The following ACTR3C variants were observed in gnomAD, a reference collection of about 807,000 sequenced individuals.
The protein encoded by ACTR3C is actin-related protein 3C.
Under a neutral mutation model 26.3 loss-of-function variants are expected in ACTR3C, and 18 were observed. The observed-to-expected ratio is 0.68, with a 90% CI of 0.47 to 1.01. ACTR3C has a LOEUF of 1.01. Among genes scored for constraint, ACTR3C ranks in the 50% least tolerant of loss-of-function variants. The probability of loss-of-function intolerance (pLI) is 0.00; values close to 1 mark genes in which losing one functional copy is unlikely to be tolerated. For missense variants in ACTR3C, 184 were observed against 250.7 expected (o/e 0.73, Z 1.80); for synonymous variants, 55 against 94.5 (o/e 0.58, Z 2.42).
At chr7:149,978,852 G>A in the ACTR3C span, among the ~76,000 whole-genome samples, 5 of 152,062 alleles carry the variant, frequency 3.3e-5, no homozygotes, top group Non-Finnish European at 7.3e-5. Context: ...CCAGATTGTT[G>A]TTCTTCTCAA....
rs1434454190 is a variant in ACTR3C at position 150,274,103 on chromosome 7, A to T, written c.564+10650T>A. On this transcript the variant is annotated intron_variant, in intron 6 of 7. Coordinates refer to ENST00000683684, the MANE Select transcript of ACTR3C (RefSeq NM_001164458.2). This position sits in a 1 kb window ranked among gnomAD's most constrained non-coding sequence, Gnocchi z 4.1. ...TAACTAAAATATATAGCAAATTAGG[A>T]GATGAATGTTATGGAGAAAAAAATA... Among the ~76,000 whole-genome samples, 2 of 151,780 alleles carry T rather than the reference A, an allele frequency of 1.3e-5. No homozygotes were observed. Among genetic ancestry groups the T allele is most frequent in the African/African-American group, 4.9e-5 (2 of 41,020 alleles).
the ACTR3C span, chr7:150,002,548 T>C: frequency 2.6e-5 from 4 of 152,190 alleles, no homozygotes; most frequent in Non-Finnish European, 4.4e-5. Flanking sequence ...TCAATCAATG[T>C]TTATGAATTT....
chr7:150,019,749 G>A, the ACTR3C span, among the ~76,000 whole-genome samples: 2 of 151,810 alleles, frequency 1.3e-5, no homozygotes, highest in African/African-American at 4.9e-5. Context: ...TGGCATTTGG[G>A]GTAGAGGCCA....
the ACTR3C span, among the ~76,000 whole-genome samples, chr7:150,007,649 G>C: frequency 6.6e-6 from 1 of 152,020 alleles, no homozygotes; most frequent in African/African-American, 2.4e-5. Context: ...TGGTGCCTGC[G>C]TGAGGACTGC....
the ACTR3C span, among the ~76,000 whole-genome samples, chr7:149,896,267 GCTA>G: frequency 6.6e-6 from 1 of 152,160 alleles, no homozygotes; most frequent in Non-Finnish European, 1.5e-5. Context: ...TTTCTGCACA[GCTA>G]CTACATGAAT....
chr7:150,107,828 T>C, the ACTR3C span, among the ~76,000 whole-genome samples: 1 of 151,720 alleles, frequency 6.6e-6, no homozygotes. Flanking sequence ...GATGAGAATT[T>C]CAGGGACAGA....
chr7:150,232,055 G>A, the ACTR3C span, among the ~76,000 whole-genome samples: 1 of 152,038 alleles, frequency 6.6e-6, no homozygotes, highest in Non-Finnish European at 1.5e-5. Flanking sequence ...TTGCTCTGTT[G>A]TTAGGTGAAT....
At chr7:150,218,946 CAT>C in the ACTR3C span, among the ~76,000 whole-genome samples, 3 of 151,088 alleles carry the variant, frequency 2.0e-5, no homozygotes, top group East Asian at 3.9e-4. Flanking sequence ...AAATGTGAAA[CAT>C]ATAACTACTC....
the ACTR3C span, among the ~76,000 whole-genome samples, chr7:150,187,340 T>A: frequency 6.6e-6 from 1 of 151,988 alleles, no homozygotes; most frequent in Non-Finnish European, 1.5e-5. Flanking sequence ...TTAATTATAT[T>A]TGTAAAAATG....
chr7:150,083,248 C>T, the ACTR3C span, among the ~76,000 whole-genome samples: 1 of 151,716 alleles, frequency 6.6e-6, no homozygotes, highest in Non-Finnish European at 1.5e-5. Context: ...GCCCAGCCTC[C>T]TCTAGATATT....
Position 150,286,382 on chromosome 7 carries a change from T to G in ACTR3C, c.456A>C (p.Ile152=). 1.2e-6 allele frequency: 2 copies of G among 1,614,002 alleles called. No homozygotes were observed. Among genetic ancestry groups the G allele is most frequent in the Non-Finnish European group, 1.7e-6 (2 of 1,180,008 alleles). ...VGYERFLGPE[I]FFHPEFANPD... is the part of the protein sequence containing the mutation. ...AACACCTTACCTCCGGGTGAAAGAA[T>G]ATTTCAGGTCCCAGGAATCTTTCGT... Residue 152 remains isoleucine (I), a synonymous_variant, in exon 5 of 8, where the codon ATA becomes ATC. Coordinates refer to ENST00000683684, the MANE Select transcript of ACTR3C (RefSeq NM_001164458.2).
the ACTR3C span, among the ~76,000 whole-genome samples, chr7:150,019,531 G>A: frequency 6.6e-6 from 1 of 150,826 alleles, no homozygotes; most frequent in South Asian, 2.1e-4. Flanking sequence ...GGCAGAGGTT[G>A]CAGTGAGCTG....
chr7:150,299,495 C>CAAAAAAAA (rs373387799), intron 1 of ACTR3C, among the ~76,000 whole-genome samples: 2 of 84,622 alleles, frequency 2.4e-5, no homozygotes, highest in African/African-American at 9.6e-5. Flanking sequence ...AAAAAAAAAA[C>CAAAAAAAA]AAAAAACAGG....
the ACTR3C span, among the ~76,000 whole-genome samples, chr7:150,176,521 T>A: frequency 1.3e-5 from 2 of 151,066 alleles, 1 homozygote; most frequent in African/African-American, 5.0e-5. Context: ...TGACAGATCA[T>A]GTTTTCAATA....
intron 6 of ACTR3C, among the ~76,000 whole-genome samples, chr7:150,263,909 A>AT (rs1164947820): frequency 3.9e-5 from 6 of 152,242 alleles, no homozygotes; most frequent in Non-Finnish European, 7.3e-5. Context: ...CTGAATCTTT[A>AT]TTTTCACTTA....
At chr7:150,109,194 T>A in the ACTR3C span, among the ~76,000 whole-genome samples, 1 of 151,930 alleles carries the variant, frequency 6.6e-6, no homozygotes, top group Non-Finnish European at 1.5e-5. Flanking sequence ...TAAAACATGC[T>A]TAACACTTCA....
chr7:149,881,589 G>GC, the ACTR3C span: 1 of 153,302 alleles, frequency 6.5e-6, no homozygotes, highest in Non-Finnish European at 1.4e-5. Flanking sequence ...TGGGCGGTGG[G>GC]GCGGATGGTC....
At chr7:150,222,287 C>T in the ACTR3C span, among the ~76,000 whole-genome samples, 38 of 152,320 alleles carry the variant, frequency 2.5e-4, no homozygotes, top group Non-Finnish European at 5.0e-4. Flanking sequence ...GGAATCTTGG[C>T]TTTGCCGCCT....
the ACTR3C span, among the ~76,000 whole-genome samples, chr7:149,886,696 C>G: frequency 6.6e-6 from 1 of 152,170 alleles, no homozygotes; most frequent in East Asian, 1.9e-4. Flanking sequence ...TTTCTCACAC[C>G]TGTAATCCTA....
Sources: gnomAD v4.1 joint callset for allele counts (sites outside exome capture counted in the v4.1 genomes callset) on GRCh38, gnomAD v4.1.1 for gene constraint, Gnocchi (gnomAD v3.1) non-coding constraint, MANE v1.5 for transcripts, NCBI Gene and HGNC (gene_info 2026-07-23, HGNC 2026-07-21) for gene names.